The following TOX2 variants were observed in gnomAD, a reference collection of about 807,000 sequenced individuals.
The protein encoded by TOX2 is TOX high mobility group box family member 2.
A neutral mutation model predicts 47.4 loss-of-function variants in TOX2; 15 were observed. The ratio of observed to expected loss-of-function variants is 0.32; its 90% confidence interval spans 0.21 to 0.49. TOX2 has a LOEUF of 0.49. Ranked by LOEUF, TOX2 falls within the 20% of genes least tolerant of loss-of-function variation. The pLI is 0.99. For missense variants in TOX2, 622 were observed against 673.1 expected (o/e 0.92, Z 0.84); for synonymous variants, 290 against 296.6 (o/e 0.98, Z 0.23).
At position 43,923,218 on chromosome 20, in the gene TOX2, G is replaced by T. The variant is rs540482640; in HGVS notation, c.99+8228G>T. On this transcript the variant is annotated intron_variant, in intron 1 of 8. Coordinates refer to ENST00000341197, the MANE Select transcript of TOX2 (RefSeq NM_001098797.2). Reference sequence around the variant, plus strand: ...AGAGCCTTGCACCCCAGCCTGTGGGGCTTTAAGTAGAGGACTGTGCCTGGA... The same window carrying T: ...AGAGCCTTGCACCCCAGCCTGTGGGTCTTTAAGTAGAGGACTGTGCCTGGA... Among the ~76,000 whole-genome samples, 10 of 152,298 alleles carry T rather than the reference G, an allele frequency of 6.6e-5. 1 individual carries two copies. In the South Asian group the frequency reaches 2.1e-3, roughly 32 times the overall value.
At chr20:43,929,897 A>G (rs2069230161) in intron 1 of TOX2, among the ~76,000 whole-genome samples, 1 of 151,928 alleles carries the variant, frequency 6.6e-6, no homozygotes, top group African/African-American at 2.4e-5. Context: ...TTTAGTAGAG[A>G]CGGGGTTTCA....
intron 3 of TOX2, among the ~76,000 whole-genome samples, chr20:44,023,666 C>T (rs1349607620): frequency 1.3e-5 from 2 of 152,198 alleles, no homozygotes; most frequent in African/African-American, 4.8e-5. Context: ...CACAGGCCAG[C>T]GTGGCCTGGG....
chr20:44,000,062 G>A, intron 2 of TOX2, among the ~76,000 whole-genome samples: 1 of 152,206 alleles, frequency 6.6e-6, no homozygotes, highest in East Asian at 1.9e-4. Flanking sequence ...TGGAGTAGCT[G>A]GAGTGGTATG....
intron 3 of TOX2, among the ~76,000 whole-genome samples, chr20:44,018,579 T>G (rs2070922441): frequency 6.6e-6 from 1 of 152,124 alleles, no homozygotes; most frequent in African/African-American, 2.4e-5. Flanking sequence ...AAACTTGAGA[T>G]TTATTGGAGT....
chr20:44,023,481 G>C, intron 3 of TOX2, among the ~76,000 whole-genome samples: 1 of 148,234 alleles, frequency 6.7e-6, no homozygotes, highest in East Asian at 2.0e-4. Flanking sequence ...TGGATAGGAA[G>C]ATCTGGGTAG....
intron 2 of TOX2, among the ~76,000 whole-genome samples, chr20:43,995,985 A>G (rs4513351): frequency 0.81 from 123,404 of 152,176 alleles, 50,463 homozygotes; most frequent in African/African-American, 0.92. Context: ...TTGTGTACAC[A>G]TGTCTTTATG....
At chr20:44,001,107 T>C (rs1009010782) in intron 2 of TOX2, among the ~76,000 whole-genome samples, 2 of 152,150 alleles carry the variant, frequency 1.3e-5, no homozygotes, top group Non-Finnish European at 2.9e-5. Context: ...CTGGCAAAGC[T>C]CTTACGACTT....
At chr20:44,036,180 C>T (rs563151772) in intron 3 of TOX2, among the ~76,000 whole-genome samples, 30 of 152,300 alleles carry the variant, frequency 2.0e-4, no homozygotes, top group Admixed American at 6.5e-4. Context: ...GCCGTCGGGC[C>T]GTGCAGGGGT....
chr20:43,965,083 C>A (rs112234334), intron 1 of TOX2, among the ~76,000 whole-genome samples: 5,848 of 152,224 alleles, frequency 0.038, 365 homozygotes, highest in African/African-American at 0.13. Context: ...CAAGGGTAGT[C>A]TCCCCAAATC....
At chr20:43,921,585 T>C (rs1219029822) in intron 1 of TOX2, among the ~76,000 whole-genome samples, 1 of 152,070 alleles carries the variant, frequency 6.6e-6, no homozygotes, top group African/African-American at 2.4e-5. Flanking sequence ...AAAGTTAAAA[T>C]GCGAGAGGAA....
intron 3 of TOX2, among the ~76,000 whole-genome samples, chr20:44,026,265 A>ACACACACACACAC (rs1202633514): frequency 7.4e-6 from 1 of 134,494 alleles, no homozygotes; most frequent in African/African-American, 2.9e-5. Context: ...ACACACACAC[A>ACACACACACACAC]ATGGAATACT....
At chr20:43,981,718 G>A (rs2070171832) in intron 2 of TOX2, among the ~76,000 whole-genome samples, 1 of 152,194 alleles carries the variant, frequency 6.6e-6, no homozygotes, top group Non-Finnish European at 1.5e-5. Context: ...AAGTTGAAAT[G>A]TGTCCAGTCA....
chr20:43,950,951 G>T (rs1033081238), intron 1 of TOX2, among the ~76,000 whole-genome samples: 2 of 151,932 alleles, frequency 1.3e-5, no homozygotes, highest in African/African-American at 2.4e-5. Flanking sequence ...AACCAGCCCA[G>T]CAATCAGAAG....
intron 1 of TOX2, among the ~76,000 whole-genome samples, chr20:43,943,352 G>A (rs2069424868): frequency 6.6e-6 from 1 of 152,188 alleles, no homozygotes; most frequent in Non-Finnish European, 1.5e-5. Flanking sequence ...GAATGCAGGG[G>A]CTTTCTGTGC....
intron 3 of TOX2, among the ~76,000 whole-genome samples, chr20:44,034,162 C>T (rs557842383): frequency 1.3e-5 from 2 of 152,066 alleles, no homozygotes; most frequent in Non-Finnish European, 2.9e-5. Context: ...GCCTCAGTGC[C>T]TTTGCATGTG....
chr20:43,986,549 T>C (rs2070269303), intron 2 of TOX2, among the ~76,000 whole-genome samples: 1 of 152,100 alleles, frequency 6.6e-6, no homozygotes, highest in African/African-American at 2.4e-5. Context: ...CCCAAAGTGC[T>C]GGGATTACAG....
chr20:43,982,720 G>A (rs2070189625), intron 2 of TOX2, among the ~76,000 whole-genome samples: 1 of 151,836 alleles, frequency 6.6e-6, no homozygotes. Context: ...GGATGGGAAG[G>A]TGGGACCCAG....
chr20:43,945,734 T>G, intron 1 of TOX2: 7 of 895,234 alleles, frequency 7.8e-6, no homozygotes, highest in Non-Finnish European at 9.7e-6. Context: ...CAGGCCCAAA[T>G]TGGAATAGGA....
intron 3 of TOX2, among the ~76,000 whole-genome samples, chr20:44,046,897 C>T (rs1215915607): frequency 1.2e-4 from 18 of 152,104 alleles, no homozygotes; most frequent in Admixed American, 1.2e-3. Flanking sequence ...CACATATACC[C>T]CTGAACCTAA....
Sources: gnomAD v4.1 joint callset for allele counts (sites outside exome capture counted in the v4.1 genomes callset) on GRCh38, gnomAD v4.1.1 for gene constraint, MANE v1.5 for transcripts, NCBI Gene and HGNC (gene_info 2026-07-23, HGNC 2026-07-21) for gene names.